NFIA: variants seen among roughly 807,000 people sequenced by gnomAD.
The protein encoded by NFIA is nuclear factor 1 A-type.
A neutral mutation model predicts 62.8 loss-of-function variants in NFIA; 8 were observed. The observed-to-expected ratio is 0.13, with a 90% confidence interval of 0.07 to 0.23. The LOEUF (loss-of-function observed/expected upper bound fraction) is 0.23, where lower values mean the gene tolerates loss of function less well. NFIA is among the 10% of genes least tolerant of loss of function. NFIA has a pLI of 1.00. For missense variants in NFIA, 410 were observed against 642.1 expected (o/e 0.64, Z 3.91); for synonymous variants, 235 against 238.1 (o/e 0.99, Z 0.12).
intron 2 of NFIA, among the ~76,000 whole-genome samples, chr1:61,138,462 A>C (rs1427626578): frequency 6.6e-6 from 1 of 152,098 alleles, no homozygotes; most frequent in African/African-American, 2.4e-5. Flanking sequence ...CTTTGACCCC[A>C]CCACCCTTAG....
intron 2 of NFIA, among the ~76,000 whole-genome samples, chr1:61,244,557 A>T (rs1374238604): frequency 6.6e-6 from 1 of 152,208 alleles, no homozygotes; most frequent in Non-Finnish European, 1.5e-5. Context: ...TTATATGGTT[A>T]TAAGTTACAA....
Position 61,420,565 on chromosome 1 carries a change from C to T in NFIA, c.1421-5900C>T, listed in dbSNP as rs72915731. On this transcript the variant is annotated intron_variant, in intron 9 of 10. Transcript: ENST00000403491. Reference sequence around the variant, plus strand: ...TGAATACCCAGGGTTCTGTTTAAGTCTATATTCCTGAACTTGTTTTGATTA... The same window carrying T: ...TGAATACCCAGGGTTCTGTTTAAGTTTATATTCCTGAACTTGTTTTGATTA... 9.4e-3 allele frequency among the ~76,000 whole-genome samples: 1,434 copies of T among 152,186 alleles called. 16 individuals carry two copies. The highest frequency in any genetic ancestry group is 0.033 in the African/African-American group (1,352 of 41,506).
chr1:61,249,499 T>C (rs184231872), intron 2 of NFIA, among the ~76,000 whole-genome samples: 3 of 152,264 alleles, frequency 2.0e-5, no homozygotes, highest in Non-Finnish European at 4.4e-5. Flanking sequence ...CCAGATGCGG[T>C]GGCTCACGCC....
intron 2 of NFIA, among the ~76,000 whole-genome samples, chr1:61,252,360 CT>C (rs1266615528): frequency 2.6e-5 from 4 of 152,148 alleles, no homozygotes; most frequent in Non-Finnish European, 5.9e-5. Context: ...CCTGTTTATA[CT>C]AGTCTTATTT....
upstream of NFIA, among the ~76,000 whole-genome samples, chr1:61,077,925 G>C (rs1412079620): frequency 6.7e-6 from 1 of 149,742 alleles, no homozygotes; most frequent in Admixed American, 6.7e-5. Flanking sequence ...GCGCTTGCTC[G>C]GTTCCAGAAA....
chr1:61,089,580 T>C (rs1646280097), intron 2 of NFIA, among the ~76,000 whole-genome samples: 1 of 152,098 alleles, frequency 6.6e-6, no homozygotes, highest in Non-Finnish European at 1.5e-5. Context: ...TATATGTACA[T>C]ATCGGTCTTG....
At chr1:61,292,093 C>T (rs1253716558) in intron 3 of NFIA, among the ~76,000 whole-genome samples, 1 of 152,116 alleles carries the variant, frequency 6.6e-6, no homozygotes, top group African/African-American at 2.4e-5. Context: ...GACACATGAC[C>T]ACCTGACATT....
chr1:61,314,771 C>A (rs139824006), intron 3 of NFIA, among the ~76,000 whole-genome samples: 1 of 152,168 alleles, frequency 6.6e-6, no homozygotes, highest in Non-Finnish European at 1.5e-5. Flanking sequence ...ATTGCAGCGA[C>A]CTGTGATGCT....
intron 2 of NFIA, among the ~76,000 whole-genome samples, chr1:61,257,411 C>T (rs564617129): frequency 7.7e-6 from 1 of 130,480 alleles, no homozygotes; most frequent in African/African-American, 2.8e-5. Flanking sequence ...GATCTTGGCT[C>T]ATTGCAACCT....
intron 2 of NFIA, among the ~76,000 whole-genome samples, chr1:61,245,863 A>G (rs1011876379): frequency 1.3e-5 from 2 of 152,218 alleles, no homozygotes; most frequent in African/African-American, 4.8e-5. Context: ...GCTCACGGCA[A>G]GAGTCCAAGA....
chr1:61,441,120 A>C (rs1362324797), intron 10 of NFIA, among the ~76,000 whole-genome samples: 1 of 152,170 alleles, frequency 6.6e-6, no homozygotes, highest in Non-Finnish European at 1.5e-5. Context: ...GAAGGGACTA[A>C]TGGTTTAATA....
chr1:61,082,677 TC>T lies in NFIA; in HGVS notation c.-114del. On this transcript the variant is annotated 5_prime_UTR_variant, in exon 1 of 11. Coordinates refer to ENST00000403491, the MANE Select transcript of NFIA (RefSeq NM_001134673.4). ...TGATTTTTTTTTCTCCCCCCTTCTCTCTCTCTCTCTCTCTCTCTCTTCCTCT... is the reference window on the plus strand; with the variant it reads ...TGATTTTTTTTTCTCCCCCCTTCTCTTCTCTCTCTCTCTCTCTCTTCCTCT... The T allele has an allele frequency of 6.8e-7, 1 of 1,466,422 alleles. No homozygotes were observed. The highest frequency in any genetic ancestry group is 9.2e-7 in the Non-Finnish European group (1 of 1,089,276). The allele number at this position is 1,466,422 out of a possible 1,614,324, so 90.8% of individuals were successfully genotyped here.
chr1:61,214,437 A>G (rs1653477908), intron 2 of NFIA, among the ~76,000 whole-genome samples: 1 of 152,216 alleles, frequency 6.6e-6, no homozygotes, highest in Non-Finnish European at 1.5e-5. Flanking sequence ...GGCTGATGGA[A>G]GTTAAAAGTT....
chr1:61,321,425 G>A (rs1660674342), intron 3 of NFIA, among the ~76,000 whole-genome samples: 2 of 151,754 alleles, frequency 1.3e-5, no homozygotes, highest in East Asian at 3.9e-4. Flanking sequence ...AAGGGAGGGA[G>A]GAAGGAAGGA....
intron 7 of NFIA, among the ~76,000 whole-genome samples, chr1:61,383,768 C>T (rs1664547253): frequency 6.6e-6 from 1 of 152,204 alleles, no homozygotes; most frequent in African/African-American, 2.4e-5. Flanking sequence ...TGGTCAATTA[C>T]CTGTTTTCAA....
At chr1:61,215,209 A>G (rs542030477) in intron 2 of NFIA, among the ~76,000 whole-genome samples, 2 of 152,242 alleles carry the variant, frequency 1.3e-5, no homozygotes, top group Non-Finnish European at 1.5e-5. Flanking sequence ...GAACTGCTCA[A>G]AATGATTATA....
At chr1:61,340,878 A>G (rs1466947169) in intron 4 of NFIA, among the ~76,000 whole-genome samples, 1 of 152,024 alleles carries the variant, frequency 6.6e-6, no homozygotes, top group East Asian at 1.9e-4. Flanking sequence ...TTTTCCTCAA[A>G]TTTTCAGAAG....
intron 2 of NFIA, among the ~76,000 whole-genome samples, chr1:61,169,617 G>A (rs768892086): frequency 2.0e-5 from 3 of 152,132 alleles, no homozygotes; most frequent in Non-Finnish European, 4.4e-5. Flanking sequence ...AGTAATGTTC[G>A]GTGGTCAACC....
At chr1:61,345,857 T>C (rs1662202380) in intron 4 of NFIA, among the ~76,000 whole-genome samples, 2 of 152,174 alleles carry the variant, frequency 1.3e-5, no homozygotes, top group African/African-American at 2.4e-5. Context: ...GTAAGTGGGA[T>C]GATGTGCTTA....
Sources: allele counts gnomAD v4.1 joint callset (sites outside exome capture counted in the v4.1 genomes callset), GRCh38; gene constraint gnomAD v4.1.1; transcripts MANE v1.5; gene names NCBI Gene and HGNC (gene_info 2026-07-23, HGNC 2026-07-21).